EPHA4: variants seen among roughly 807,000 people sequenced by gnomAD.
EPHA4 encodes ephrin type-A receptor 4.
A neutral mutation model predicts 108.3 loss-of-function variants in EPHA4; 19 were observed. That is an observed-to-expected ratio of 0.18 (90% CI 0.12 to 0.26). The LOEUF (loss-of-function observed/expected upper bound fraction) is 0.26, where lower values mean the gene tolerates loss of function less well. Ranked by LOEUF, EPHA4 falls within the 10% of genes least tolerant of loss-of-function variation. The pLI, the probability that EPHA4 is intolerant of heterozygous loss-of-function variation, is 1.00. For synonymous variants in EPHA4, 449 were observed against 455.5 expected (o/e 0.99, Z 0.18); for missense variants, 917 against 1,254.0 (o/e 0.73, Z 4.06).
intron 5 of EPHA4, among the ~76,000 whole-genome samples, chr2:221,475,622 C>T (rs1691629808): frequency 6.6e-6 from 1 of 152,148 alleles, no homozygotes; most frequent in Non-Finnish European, 1.5e-5. Flanking sequence ...GGACATTTGC[C>T]CTCTGTTGCA....
chr2:221,525,487 C>T (rs2106178078), intron 3 of EPHA4, among the ~76,000 whole-genome samples: 1 of 152,276 alleles, frequency 6.6e-6, no homozygotes, highest in East Asian at 1.9e-4. Flanking sequence ...CACTGTCACG[C>T]CTTTCCCAGG....
intron 4 of EPHA4, among the ~76,000 whole-genome samples, chr2:221,487,079 C>T (rs747739577): frequency 4.6e-5 from 7 of 151,976 alleles, no homozygotes; most frequent in Admixed American, 6.6e-5. Context: ...GTAGAAAGGG[C>T]TATATATAAA....
chr2:221,447,332 C>T (rs1690623794), intron 8 of EPHA4, among the ~76,000 whole-genome samples: 1 of 152,116 alleles, frequency 6.6e-6, no homozygotes, highest in African/African-American at 2.4e-5. Flanking sequence ...TAAAAATTCC[C>T]GCAAAGCCAG....
intron 11 of EPHA4, among the ~76,000 whole-genome samples, chr2:221,441,732 T>A (rs939031269): frequency 3.3e-5 from 5 of 152,072 alleles, no homozygotes; most frequent in Admixed American, 6.5e-5. Context: ...GGTGCTAAAC[T>A]GTGTGCTCCC....
chr2:221,500,958 G>A lies in EPHA4; in HGVS notation c.979+59C>T, dbSNP rs947168887. 8 of 1,476,364 alleles carry A rather than the reference G, an allele frequency of 5.4e-6. No homozygotes were observed. In the African/African-American group the frequency reaches 8.5e-5, roughly 16 times the overall value. The allele number at this position is 1,476,364 out of a possible 1,614,324, so 91.5% of individuals were successfully genotyped here. On this transcript the variant is annotated intron_variant, in intron 4 of 17. Transcript: ENST00000281821. ...CCAGGAGAAGACCTGGCAGTGCCTT[G>A]CTAGGTGGTAATGAAAGCTGTTGGC...
chr2:221,568,684 T>C (rs757274618), intron 2 of EPHA4, 34 bp downstream of exon 2: 7 of 1,582,274 alleles, frequency 4.4e-6, no homozygotes, highest in East Asian at 2.2e-5. Flanking sequence ...ACTCCTTTTT[T>C]ACCCTTTGGA....
chr2:221,459,703 A>G (rs1433655258), intron 5 of EPHA4, among the ~76,000 whole-genome samples: 1 of 152,148 alleles, frequency 6.6e-6, no homozygotes, highest in Non-Finnish European at 1.5e-5. Context: ...TGGCTGTGGA[A>G]AGTCATTTCA....
chr2:221,433,794 A>G (rs1321107128), intron 14 of EPHA4, among the ~76,000 whole-genome samples: 2 of 152,160 alleles, frequency 1.3e-5, no homozygotes, highest in Non-Finnish European at 2.9e-5. Context: ...TCATATGTGA[A>G]ATTTATTTTT....
chr2:221,549,765 T>C (rs1331641173), intron 3 of EPHA4, among the ~76,000 whole-genome samples: 1 of 152,186 alleles, frequency 6.6e-6, no homozygotes, highest in African/African-American at 2.4e-5. Flanking sequence ...GGCAGGCAGA[T>C]TGCCTGAGGT....
intron 8 of EPHA4, among the ~76,000 whole-genome samples, chr2:221,452,134 T>A (rs2106113923): frequency 6.6e-6 from 1 of 152,378 alleles, no homozygotes; most frequent in East Asian, 1.9e-4. Flanking sequence ...TTTCTGTCCA[T>A]TGACTTCCTT....
intron 4 of EPHA4, among the ~76,000 whole-genome samples, chr2:221,484,413 A>C (rs529350027): frequency 1.7e-4 from 26 of 152,202 alleles, no homozygotes; most frequent in Non-Finnish European, 3.4e-4. Context: ...AATTACCAAC[A>C]ACCTCTTTAA....
At chr2:221,423,392 C>T (rs1380271154) in intron 17 of EPHA4, among the ~76,000 whole-genome samples, 1 of 152,204 alleles carries the variant, frequency 6.6e-6, no homozygotes, top group Non-Finnish European at 1.5e-5. Context: ...TCACATTTCT[C>T]TTCTAAAACT....
At chr2:221,513,203 G>A (rs1692882514) in intron 3 of EPHA4, among the ~76,000 whole-genome samples, 1 of 152,180 alleles carries the variant, frequency 6.6e-6, no homozygotes, top group South Asian at 2.1e-4. Flanking sequence ...GGAGAGCACA[G>A]TCCAATAGGA....
intron 4 of EPHA4, among the ~76,000 whole-genome samples, chr2:221,498,125 G>A (rs1692357383): frequency 6.6e-6 from 1 of 152,122 alleles, no homozygotes; most frequent in Non-Finnish European, 1.5e-5. Context: ...AGCAAGACTT[G>A]GTAATAAAGT....
intron 4 of EPHA4, among the ~76,000 whole-genome samples, chr2:221,499,741 TATATATATATA>T (rs1467151275): frequency 8.9e-4 from 51 of 57,410 alleles, no homozygotes; most frequent in African/African-American, 4.0e-3. Flanking sequence ...TATATATATA[TATATATATATA>T]TATATTTTTT....
At chr2:221,531,660 T>G (rs1288604380) in intron 3 of EPHA4, among the ~76,000 whole-genome samples, 1 of 152,144 alleles carries the variant, frequency 6.6e-6, no homozygotes, top group Non-Finnish European at 1.5e-5. Context: ...TTTTTTTTCT[T>G]TGAAGAACAA....
At chr2:221,430,303 C>A (rs1343074579) in intron 14 of EPHA4, 152 bp from the exon 15 acceptor site, 7 of 712,098 alleles carry the variant, frequency 9.8e-6, no homozygotes, top group Non-Finnish European at 1.6e-5. Flanking sequence ...CAAAGCTAGA[C>A]CTGAGTATCA....
intron 8 of EPHA4, among the ~76,000 whole-genome samples, chr2:221,449,676 C>T (rs550660682): frequency 6.3e-4 from 96 of 152,258 alleles, no homozygotes; most frequent in African/African-American, 2.2e-3. Flanking sequence ...CTGTTCCTGG[C>T]ACCTTGACTA....
At chr2:221,570,611 A>C (rs1694802458) in intron 1 of EPHA4, among the ~76,000 whole-genome samples, 2 of 152,178 alleles carry the variant, frequency 1.3e-5, no homozygotes, top group African/African-American at 4.8e-5. Flanking sequence ...AATCTCTCAG[A>C]GCCTCCGTCT....
Sources: allele counts gnomAD v4.1 joint callset (sites outside exome capture counted in the v4.1 genomes callset), GRCh38; gene constraint gnomAD v4.1.1; transcripts MANE v1.5; gene names NCBI Gene and HGNC (gene_info 2026-07-23, HGNC 2026-07-21).